PARP4: variants seen among roughly 807,000 people sequenced by gnomAD.
PARP4 encodes the protein poly(ADP-ribose) polymerase family member 4.
In PARP4, 120 loss-of-function variants were observed where a neutral mutation model predicts 187.7. The ratio of observed to expected loss-of-function variants is 0.64; its 90% CI spans 0.55 to 0.74. The LOEUF is 0.74. Among genes scored for constraint, PARP4 ranks in the 30% least tolerant of loss-of-function variants. The pLI is 0.00. For synonymous variants in PARP4, 654 were observed against 740.9 expected (o/e 0.88, Z 1.90); for missense variants, 1,836 against 2,070.5 (o/e 0.89, Z 2.20).
At chr13:24,462,612 C>T (rs987985339) in intron 17 of PARP4, among the ~76,000 whole-genome samples, 15 of 152,150 alleles carry the variant, frequency 9.9e-5, no homozygotes, top group Non-Finnish European at 1.5e-5. Context: ...GACCATGACA[C>T]TGCAACAGAC....
chr13:24,480,242 T>C (rs1325196459), intron 12 of PARP4, among the ~76,000 whole-genome samples: 1 of 152,116 alleles, frequency 6.6e-6, no homozygotes, highest in African/African-American at 2.4e-5. Context: ...GGTGGTGGGC[T>C]TGGCAAATGT....
intron 8 of PARP4, among the ~76,000 whole-genome samples, chr13:24,493,157 CAAG>C (rs1417571009): frequency 6.6e-6 from 1 of 152,188 alleles, no homozygotes; most frequent in African/African-American, 2.4e-5. Context: ...TATGCTTAAT[CAAG>C]AAGGGAAGAA....
intron 30 of PARP4, among the ~76,000 whole-genome samples, chr13:24,438,607 GA>G (rs1413809612): frequency 4.6e-5 from 7 of 152,342 alleles, no homozygotes; most frequent in African/African-American, 1.7e-4. Context: ...TCATGAGCGG[GA>G]GGGAACGAAG....
chr13:24,501,717 T>A lies in PARP4; in HGVS notation c.250A>T (p.Lys84Ter). 1 of 1,612,960 alleles carries A rather than the reference T, an allele frequency of 6.2e-7. No homozygotes were observed. Reference protein sequence around the residue: ...PDFIWKSIREKRLLDVKNYDP... With the variant: ...PDFIWKSIRE ...TAATTCTTTACATCCAAGAGTCTCT[T>A]TTCCCTGATAGATTTCCATATAAAA... The change falls in exon 3 of 34, where the codon AAG becomes TAG. Residue 84 changes from lysine (K) to a stop codon, truncating the protein, a stop_gained. Coordinates refer to ENST00000381989, the MANE Select transcript of PARP4 (RefSeq NM_006437.4). LOFTEE classifies it high-confidence loss of function.
intron 20 of PARP4, among the ~76,000 whole-genome samples, chr13:24,457,986 T>C (rs557788479): frequency 1.4e-3 from 214 of 151,664 alleles, no homozygotes; most frequent in African/African-American, 4.8e-3. Flanking sequence ...AAAAGGAAAA[T>C]AGGCTGGGTG....
chr13:24,497,410 C>A (rs1390609665), intron 6 of PARP4, among the ~76,000 whole-genome samples: 1 of 152,152 alleles, frequency 6.6e-6, no homozygotes, highest in Admixed American at 6.5e-5. Flanking sequence ...TGGTACACAG[C>A]AGGTGCTTAA....
chr13:24,434,603 C>T lies in PARP4; in HGVS notation c.4538G>A (p.Cys1513Tyr), dbSNP rs2137441298. The T allele has an allele frequency of 6.2e-7, 1 of 1,612,140 alleles. No homozygotes were observed. Among genetic ancestry groups the T allele is most frequent in the Non-Finnish European group, 8.5e-7 (1 of 1,178,450 alleles). Residue 1513 changes from cysteine (C) to tyrosine (Y), a missense_variant, in exon 31 of 34, where the codon TGT (cysteine) becomes TAT (tyrosine). Physicochemically the swap from Cys to Tyr is radical, Grantham distance 194. Coordinates refer to ENST00000381989, the MANE Select transcript of PARP4 (RefSeq NM_006437.4). ...AGAACTTTGAAAAGCAAAGACAGGACATCGACTTCCTTCGAGACTGCCTAC... is the reference window on the plus strand; with the variant it reads ...AGAACTTTGAAAAGCAAAGACAGGATATCGACTTCCTTCGAGACTGCCTAC... ...ESVGSLEGSR[C>Y]PVFAFQSSDT...
chr13:24,475,618 A>G, intron 14 of PARP4, 22 bp from the exon 15 acceptor site: 1 of 1,610,796 alleles, frequency 6.2e-7, no homozygotes, highest in South Asian at 1.1e-5. Flanking sequence ...AAATGTTACT[A>G]TTAGCTTTCA....
At chr13:24,500,441 T>C (rs1471060990) in intron 3 of PARP4, 59 bp from the exon 4 acceptor site, 2 of 1,026,420 alleles carry the variant, frequency 1.9e-6, no homozygotes, top group African/African-American at 3.3e-5. Context: ...TATAATTAGT[T>C]AACCTAAGTG....
In PARP4 at chr13:24,478,080, GAAATAA is replaced by G. The variant is rs1347998911; in HGVS notation, c.1632+7_1632+12del. 1 of 1,569,494 alleles carries G rather than the reference GAAATAA, an allele frequency of 6.4e-7. No individual in the cohort carries two copies. Among genetic ancestry groups the G allele is most frequent in the East Asian group, 2.3e-5 (1 of 43,778 alleles). On this transcript the variant is annotated splice_region_variant and intron_variant, in intron 13 of 33. Coordinates refer to ENST00000381989, the MANE Select transcript of PARP4 (RefSeq NM_006437.4). ...TCAAGACCCTCTTTGCTTCTTCCTT[GAAATAA>G]AAATACCTCAAAGTCTGTGGTGACA... is the stretch of plus-strand genomic sequence containing the variant.
At chr13:24,474,795 T>C (rs1004092367) in intron 15 of PARP4, among the ~76,000 whole-genome samples, 5 of 152,110 alleles carry the variant, frequency 3.3e-5, no homozygotes, top group Admixed American at 1.3e-4. Context: ...GTTCATGTCA[T>C]TCCTCTGCCA....
chr13:24,487,277 G>C (rs1398271570), intron 10 of PARP4, among the ~76,000 whole-genome samples: 2 of 146,432 alleles, frequency 1.4e-5, no homozygotes, highest in African/African-American at 5.0e-5. Context: ...AAAAAAAAGT[G>C]ATCAAATACC....
intron 10 of PARP4, among the ~76,000 whole-genome samples, chr13:24,489,862 A>G (rs56039816): frequency 0.11 from 16,546 of 152,150 alleles, 975 homozygotes; most frequent in African/African-American, 0.12. Flanking sequence ...TCCATGGCGC[A>G]AATCCTCCCC....
rs1216300092 is a variant in PARP4 at position 24,437,849 on chromosome 13, C to CAAAAAAAAAAAAAAAAAAAAA, written c.3667-2376_3667-2375insTTTTTTTTTTTTTTTTTTTTT. Among the ~76,000 whole-genome samples, 10 of 118,358 alleles carry CAAAAAAAAAAAAAAAAAAAAA rather than the reference C, an allele frequency of 8.4e-5. 1 individual carries two copies. Among genetic ancestry groups the CAAAAAAAAAAAAAAAAAAAAA allele is most frequent in the Non-Finnish European group, 1.2e-4 (7 of 58,150 alleles). The allele number at this position is 118,358 out of a possible 152,430, so 77.6% of individuals were successfully genotyped here. ...TGGGTGACAGAGTGAGACTCCATCT[C>CAAAAAAAAAAAAAAAAAAAAA]AAAAAAAAAAAAGAATCATACTGAG... On this transcript the variant is annotated intron_variant, in intron 30 of 33. Transcript: ENST00000381989.
chr13:24,508,061 C>T (rs1352584855), intron 1 of PARP4, among the ~76,000 whole-genome samples: 1 of 152,166 alleles, frequency 6.6e-6, no homozygotes, highest in Non-Finnish European at 1.5e-5. Flanking sequence ...CTGCCTCTCA[C>T]ATTCAATTAG....
At chr13:24,449,539 T>G (rs1871396059) in intron 25 of PARP4, among the ~76,000 whole-genome samples, 179 bp downstream of exon 25, 1 of 152,170 alleles carries the variant, frequency 6.6e-6, no homozygotes, top group African/African-American at 2.4e-5. Flanking sequence ...AATGACCTGA[T>G]GAAGAACACC....
At chr13:24,488,712 C>T (rs1490248999) in intron 10 of PARP4, among the ~76,000 whole-genome samples, 1 of 152,116 alleles carries the variant, frequency 6.6e-6, no homozygotes, top group Non-Finnish European at 1.5e-5. Context: ...ATTAAGTGTA[C>T]AATTTGGTAG....
At chr13:24,463,202 A>G (rs1050731937) in intron 17 of PARP4, among the ~76,000 whole-genome samples, 1 of 152,194 alleles carries the variant, frequency 6.6e-6, no homozygotes, top group Non-Finnish European at 1.5e-5. Context: ...CTCAGAAACC[A>G]TATAAGCCAG....
At position 24,446,823 on chromosome 13, in the gene PARP4, A is replaced by T. The variant is rs1871234605; in HGVS notation, c.3286-62T>A. ...TTCCACTCTGCAGTGTCTTGGTTTA[A>T]CAGAAATTCTTTTGGTGATTTTCTC... On this transcript the variant is annotated intron_variant, in intron 26 of 33. Transcript: ENST00000381989. 3 of 1,379,720 alleles carry T rather than the reference A, an allele frequency of 2.2e-6. No homozygotes were observed. In the Admixed American group the frequency reaches 6.3e-5, roughly 29 times the overall value. The allele number at this position is 1,379,720 out of a possible 1,614,324, so 85.5% of individuals were successfully genotyped here. A position where few individuals can be genotyped will look rare whatever the true frequency, so the allele number is the denominator to read the frequency against.
Sources: gnomAD v4.1 joint callset for allele counts (sites outside exome capture counted in the v4.1 genomes callset) on GRCh38, gnomAD v4.1.1 for gene constraint, MANE v1.5 for transcripts, NCBI Gene and HGNC (gene_info 2026-07-23, HGNC 2026-07-21) for gene names.